FAT2: variants seen among roughly 807,000 people sequenced by gnomAD.
FAT2 encodes FAT atypical cadherin 2.
In FAT2, 150 loss-of-function variants were observed where a neutral mutation model predicts 295.3. The observed-to-expected ratio is 0.51, with a 90% CI of 0.44 to 0.58. The LOEUF (loss-of-function observed/expected upper bound fraction) is 0.58. FAT2 is among the 20% of genes least tolerant of loss of function. The probability of loss-of-function intolerance (pLI) is 0.00; values close to 1 mark genes in which losing one functional copy is unlikely to be tolerated. For missense variants in FAT2, 4,868 were observed against 5,442.7 expected, an observed-to-expected ratio of 0.89 and a Z score of 3.32; for synonymous variants, 2,026 against 2,150.3, an observed-to-expected ratio of 0.94 and a Z score of 1.60.
In FAT2 at chr5:151,551,561, C is replaced by G; in HGVS notation, c.4202G>C (p.Ser1401Thr). 1 of 1,614,236 alleles carries G rather than the reference C, an allele frequency of 6.2e-7. No individual in the cohort carries two copies. Among genetic ancestry groups the G allele is most frequent in the South Asian group, 1.1e-5 (1 of 91,084 alleles). The change falls in exon 7 of 24, where the codon AGC becomes ACC. Residue 1401 changes from serine to threonine, a missense_variant. Ser to Thr is a moderately conservative substitution (Grantham distance 58). This residue lies in a region of FAT2 where 3,297 missense variants were observed against 3,669.4 expected (regional missense o/e 0.90). Coordinates refer to ENST00000261800, the MANE Select transcript of FAT2 (RefSeq NM_001447.3). The stretch of plus-strand genomic sequence containing the variant: ...ATCAAGAGGCCTGGCAATGACGATG[C>G]TGCCTGTGGTCTTCTCAATGTCAAA... Reference protein sequence around the residue: ...MDFDIEKTTGSIVIARPLDTR... With the variant: ...MDFDIEKTTGTIVIARPLDTR...
At chr5:151,519,275 T>C (rs1392931663) in intron 19 of FAT2, among the ~76,000 whole-genome samples, 1 of 152,108 alleles carries the variant, frequency 6.6e-6, no homozygotes, top group Non-Finnish European at 1.5e-5. Context: ...ACCTGGGAGG[T>C]GGAAGTTGCA....
rs549360570 is a variant in FAT2, at chr5:151,528,561, G to C, written c.10027-428C>G. On this transcript the variant is annotated intron_variant, in intron 15 of 23. Coordinates refer to ENST00000261800, the MANE Select transcript of FAT2 (RefSeq NM_001447.3). ...GGAGGTTCTTTCGGGGCTGGAGCAG[G>C]CAATCCAGGAGAGGAAATACTGTGA... Among the ~76,000 whole-genome samples the C allele has an allele frequency of 8.5e-5, 13 of 152,270 alleles. No individual in the cohort carries two copies. In the South Asian group the frequency reaches 2.7e-3, roughly 32 times the overall value.
At position 151,549,424 on chromosome 5, in the gene FAT2, G is replaced by A. The variant is rs374336586; in HGVS notation, c.4660C>T (p.Arg1554Cys). 6.4e-5 allele frequency: 103 copies of A among 1,614,022 alleles called. No homozygotes were observed. Among genetic ancestry groups the A allele is most frequent in the Non-Finnish European group, 8.1e-5 (96 of 1,180,030 alleles). Residue 1554 changes from arginine (R) to cysteine (C), a missense_variant, in exon 9 of 24, where the codon CGC (arginine) becomes TGC (cysteine). Physicochemically the swap from Arg to Cys is radical, Grantham distance 180 (BLOSUM62 -3). This residue lies in a region of FAT2 where 3,297 missense variants were observed against 3,669.4 expected (regional missense o/e 0.90). Coordinates refer to ENST00000261800, the MANE Select transcript of FAT2 (RefSeq NM_001447.3). Reference protein sequence around the residue: ...HVEDGNLHPPRFTQLHYEASV... With the variant: ...HVEDGNLHPPCFTQLHYEASV... ...GCCTCATAATGGAGCTGAGTGAAGC[G>A]GGGTGGGTGGAGGTTTCCATCCTCC... is the stretch of plus-strand genomic sequence containing the variant.
intron 3 of FAT2, among the ~76,000 whole-genome samples, chr5:151,558,842 GCT>G (rs990153744): frequency 2.0e-5 from 3 of 152,340 alleles, no homozygotes; most frequent in African/African-American, 7.2e-5. Context: ...GAAGGCGCTA[GCT>G]CTCTGCAAGA....
intron 20 of FAT2, among the ~76,000 whole-genome samples, chr5:151,513,778 T>C (rs1459659723): frequency 1.3e-5 from 2 of 152,196 alleles, no homozygotes; most frequent in African/African-American, 4.8e-5. Flanking sequence ...TTTAATTAAT[T>C]AAGGTATTTA....
chr5:151,594,330 T>C (rs141607773), upstream of FAT2, among the ~76,000 whole-genome samples: 104 of 152,244 alleles, frequency 6.8e-4, 1 homozygote, highest in African/African-American at 2.4e-3. Context: ...CTATTGGAAG[T>C]TCCTCAGGGA....
At chr5:151,540,231 G>A (rs374543850) in intron 11 of FAT2, among the ~76,000 whole-genome samples, 2 of 152,324 alleles carry the variant, frequency 1.3e-5, no homozygotes, top group African/African-American at 4.8e-5. Context: ...TGGGGGCCAA[G>A]GAATTACCTA....
rs199734683 is a variant in FAT2 at position 151,505,738 on chromosome 5, C to T, written c.12877G>A (p.Gly4293Arg). ...QGGGGPCLAD[G>R]GYKGVGMRLS... ...CGCATACCCACCCCCTTGTAGCCCC[C>T]GTCTGCCAGGCAGGGCCCTCCCCCT... The change falls in exon 24 of 24, where the codon GGG becomes AGG. Residue 4293 changes from glycine (G) to arginine (R), a missense_variant. Gly to Arg is a moderately radical substitution (Grantham distance 125). Coordinates refer to ENST00000261800, the MANE Select transcript of FAT2 (RefSeq NM_001447.3). 21 of 1,613,760 alleles carry T rather than the reference C, an allele frequency of 1.3e-5. No individual in the cohort carries two copies. Among genetic ancestry groups the T allele is most frequent in the East Asian group, 6.7e-5 (3 of 44,854 alleles).
chr5:151,557,375 G>T (rs1757794037), intron 3 of FAT2, among the ~76,000 whole-genome samples: 1 of 152,140 alleles, frequency 6.6e-6, no homozygotes. Context: ...ATAGCCCAAG[G>T]ATAGCCAGTC....
At position 151,517,763 on chromosome 5, in the gene FAT2, TA is replaced by T; in HGVS notation, c.11319del (p.Thr3774LeufsTer27). 1 of 1,614,092 alleles carries T rather than the reference TA, an allele frequency of 6.2e-7. No homozygotes were observed. Among genetic ancestry groups the T allele is most frequent in the East Asian group, 2.2e-5 (1 of 44,892 alleles). ...HHLQRSCSCN[G>X]TATRFSGQSY... ...CTCTGACCACTGAACCTTGTAGCAG[TA>T]CCTGAGAAAGCAACCAAAGCTGTCA... On this transcript the variant is annotated frameshift_variant and splice_region_variant, in exon 20 of 24. Transcript: ENST00000261800. LOFTEE classifies it high-confidence loss of function.
intron 1 of FAT2, among the ~76,000 whole-genome samples, chr5:151,575,091 G>A (rs528850186): frequency 6.6e-6 from 1 of 152,358 alleles, no homozygotes; most frequent in East Asian, 1.9e-4. Flanking sequence ...TGAAGTGTCA[G>A]CTGGCAGAGA....
rs1489801309 is a variant in FAT2, at chr5:151,517,709, G to A, written c.11374C>T (p.Arg3792Trp). Residue 3792 changes from arginine to tryptophan, a missense_variant, in exon 20 of 24, where the codon CGG becomes TGG. Transcript: ENST00000261800. The part of the protein sequence containing the change: ...SYVRYRAPAA[R>W]NWHIHFYLKT... Reference sequence around the variant, plus strand: ...AGATAGAAATGGATGTGCCAGTTCCGAGCCGCTGGGGCCCTGTACCGCACA... The same window carrying A: ...AGATAGAAATGGATGTGCCAGTTCCAAGCCGCTGGGGCCCTGTACCGCACA... The A allele has an allele frequency of 6.8e-6, 11 of 1,614,056 alleles. No homozygotes were observed. Among genetic ancestry groups the A allele is most frequent in the South Asian group, 3.3e-5 (3 of 91,080 alleles).
intron 1 of FAT2, among the ~76,000 whole-genome samples, chr5:151,580,686 A>G (rs1214835663): frequency 6.6e-6 from 1 of 152,188 alleles, no homozygotes; most frequent in East Asian, 1.9e-4. Flanking sequence ...AGCAGCATTA[A>G]AATAATAACA....
At position 151,545,701 on chromosome 5, in the gene FAT2, G is replaced by A. The variant is rs1158054308; in HGVS notation, c.5426C>T (p.Ala1809Val). ...LLVYKILEPE[A>V]LKFFKIDPSM... is the part of the protein sequence containing the mutation. ...GGGATCAATTTTGAAAAACTTCAAG[G>A]CCTCCGGCTCCAAAATTTTATAGAC... The change falls in exon 10 of 24, where the codon GCC (alanine) becomes GTC (valine). Residue 1809 changes from alanine to valine, a missense_variant. Ala to Val is a moderately conservative substitution (Grantham distance 64). Around this residue, in one of 5 missense-constraint regions of FAT2, gnomAD observed 3,297 missense variants for 3,669.4 expected, o/e 0.90. Transcript: ENST00000261800. 6.2e-7 allele frequency: 1 copy of A among 1,614,104 alleles called. No homozygotes were observed. The highest frequency in any genetic ancestry group is 1.7e-5 in the Admixed American group (1 of 60,016).
intron 2 of FAT2, 26 bp downstream of exon 2, chr5:151,565,647 A>ACCGC: frequency 9.0e-5 from 131 of 1,460,980 alleles, no homozygotes; most frequent in Non-Finnish European, 1.0e-4. Flanking sequence ...TGGCCCTGGC[A>ACCGC]CCCCACCCTA....
chr5:151,578,741 T>G (rs1019905752), intron 1 of FAT2, among the ~76,000 whole-genome samples: 1 of 152,158 alleles, frequency 6.6e-6, no homozygotes, highest in African/African-American at 2.4e-5. Flanking sequence ...GATGAATGAA[T>G]AAAGAAAATA....
rs1379516715 is a variant in FAT2, at chr5:151,543,670, T to A, written c.7457A>T (p.Tyr2486Phe). The A allele has an allele frequency of 6.2e-7, 1 of 1,614,054 alleles. No homozygotes were observed. The highest frequency in any genetic ancestry group is 8.5e-7 in the Non-Finnish European group (1 of 1,180,024). ...KYSPEFQQHL[Y>F]EAELAENAMV... ...TGCATTCTCTGCTAATTCTGCCTCA[T>A]AAAGGTGCTGCTGGAACTCTGGGCT... The change falls in exon 10 of 24, where the codon TAT becomes TTT. Residue 2486 changes from tyrosine (Y) to phenylalanine (F), a missense_variant. By Grantham distance (22) the Tyr-to-Phe change is conservative. Around this residue, in one of 5 missense-constraint regions of FAT2, gnomAD observed 3,297 missense variants for 3,669.4 expected, o/e 0.90. Transcript: ENST00000261800.
At chr5:151,556,615 T>G (rs1227458261) in intron 3 of FAT2, among the ~76,000 whole-genome samples, 3 of 152,258 alleles carry the variant, frequency 2.0e-5, no homozygotes, top group Admixed American at 1.3e-4. Context: ...AAACCATACT[T>G]CAAGTACCCA....
At chr5:151,585,066 G>A (rs1334808974) in intron 1 of FAT2, among the ~76,000 whole-genome samples, 2 of 152,222 alleles carry the variant, frequency 1.3e-5, no homozygotes, top group East Asian at 3.8e-4. Context: ...TTAAGGTAAA[G>A]TTTAATTTAG....
Sources: gnomAD v4.1 joint callset for allele counts (sites outside exome capture counted in the v4.1 genomes callset) on GRCh38, gnomAD v4.1.1 for gene constraint, gnomAD v4.1.1 regional missense constraint, MANE v1.5 for transcripts, NCBI Gene and HGNC (gene_info 2026-07-23, HGNC 2026-07-21) for gene names.